The following DMRT1 variants were observed in gnomAD, a reference collection of about 807,000 sequenced individuals.
DMRT1 encodes doublesex and mab-3 related transcription factor 1.
A neutral mutation model predicts 32.3 loss-of-function variants in DMRT1; 7 were observed. The ratio of observed to expected loss-of-function variants is 0.22; its 90% CI spans 0.12 to 0.41. DMRT1 has a LOEUF of 0.41. DMRT1 is among the 10% of genes least tolerant of loss of function. DMRT1 has a pLI of 1.00. For missense variants in DMRT1, 625 were observed against 500.5 expected (o/e 1.25, Z -2.37); for synonymous variants, 278 against 206.1 (o/e 1.35, Z -2.99).
chr9:852,751 C>T (rs1815211965), intron 2 of DMRT1, among the ~76,000 whole-genome samples: 1 of 152,198 alleles, frequency 6.6e-6, no homozygotes, highest in Non-Finnish European at 1.5e-5. Flanking sequence ...ATCAAACCAC[C>T]TCGGGCCCCC....
intron 2 of DMRT1, among the ~76,000 whole-genome samples, chr9:864,073 C>G (rs574853817): frequency 1.3e-5 from 2 of 152,098 alleles, no homozygotes; most frequent in Non-Finnish European, 2.9e-5. Flanking sequence ...CTTTGGAGGA[C>G]AAGCAGAGGA....
intron 4 of DMRT1, among the ~76,000 whole-genome samples, chr9:967,640 A>G (rs1402982326): frequency 6.6e-6 from 1 of 152,222 alleles, no homozygotes; most frequent in Non-Finnish European, 1.5e-5. Context: ...TTTCATCAGC[A>G]TACTTTGCAT....
intron 2 of DMRT1, among the ~76,000 whole-genome samples, chr9:891,258 C>T (rs1235356675): frequency 6.7e-6 from 1 of 149,730 alleles, no homozygotes; most frequent in Non-Finnish European, 1.5e-5. Flanking sequence ...ATCAGCCTGG[C>T]CAACATGGTG....
chr9:912,238 A>G (rs115758731), intron 3 of DMRT1, among the ~76,000 whole-genome samples: 2,441 of 152,324 alleles, frequency 0.016, 69 homozygotes, highest in African/African-American at 0.054. Flanking sequence ...AACCGCCCCC[A>G]TGATCCAATC....
intron 2 of DMRT1, among the ~76,000 whole-genome samples, chr9:874,496 A>G (rs913661764): frequency 1.3e-5 from 2 of 152,210 alleles, no homozygotes; most frequent in Non-Finnish European, 2.9e-5. Context: ...TGTATGAGGC[A>G]CACACAAGCC....
chr9:965,659 G>A lies in DMRT1; in HGVS notation c.968-2326G>A, dbSNP rs2130016464. On this transcript the variant is annotated intron_variant, in intron 4 of 4. Coordinates refer to ENST00000382276, the MANE Select transcript of DMRT1 (RefSeq NM_021951.3). The surrounding 1 kb of genome is among the most constrained non-coding windows in gnomAD (Gnocchi z 4.5). Reference sequence around the variant, plus strand: ...AGGCCCAGGGCTCTGAACATGTTGGGAGAACACATACCTATTCCTTTACAA... The same window carrying A: ...AGGCCCAGGGCTCTGAACATGTTGGAAGAACACATACCTATTCCTTTACAA... Among the ~76,000 whole-genome samples the A allele has an allele frequency of 6.6e-6, 1 of 152,306 alleles. No homozygotes were observed. The highest frequency in any genetic ancestry group is 2.4e-5 in the African/African-American group (1 of 41,562).
At position 968,308 on chromosome 9, in the gene DMRT1, T is replaced by C. The variant is rs768763627; in HGVS notation, c.*169T>C. On this transcript the variant is annotated 3_prime_UTR_variant, in exon 5 of 5. Coordinates refer to ENST00000382276, the MANE Select transcript of DMRT1 (RefSeq NM_021951.3). Reference sequence around the variant, plus strand: ...AGGCTGTAACACATTTGTAATACTTTAGGGTCCGTGACTACCATCTGCATG... The same window carrying C: ...AGGCTGTAACACATTTGTAATACTTCAGGGTCCGTGACTACCATCTGCATG... 6 of 759,540 alleles carry C rather than the reference T, an allele frequency of 7.9e-6. No homozygotes were observed. Among genetic ancestry groups the C allele is most frequent in the Non-Finnish European group, 1.1e-5 (5 of 469,878 alleles). The allele number at this position is 759,540 out of a possible 1,614,324, so 47.1% of individuals were successfully genotyped here.
intron 3 of DMRT1, among the ~76,000 whole-genome samples, chr9:906,784 C>A (rs969522227): frequency 6.6e-6 from 1 of 152,198 alleles, no homozygotes; most frequent in Non-Finnish European, 1.5e-5. Context: ...GGTCTTTATA[C>A]TAAGCAGATA....
chr9:944,557 G>A (rs1819181321), intron 4 of DMRT1, among the ~76,000 whole-genome samples: 1 of 152,168 alleles, frequency 6.6e-6, no homozygotes, highest in South Asian at 2.1e-4. Context: ...AAAGGAGATG[G>A]ATATTTAATT....
At chr9:946,962 T>C (rs929485021) in intron 4 of DMRT1, among the ~76,000 whole-genome samples, 1 of 152,248 alleles carries the variant, frequency 6.6e-6, no homozygotes, top group Non-Finnish European at 1.5e-5. Context: ...GAGCCGATAA[T>C]GTTAGGAAAT....
chr9:888,659 ATG>A (rs1564226084), intron 2 of DMRT1, among the ~76,000 whole-genome samples: 64 of 151,880 alleles, frequency 4.2e-4, no homozygotes, highest in Admixed American at 2.0e-3. Context: ...AGTCAGGGGC[ATG>A]AAGGTATCTC....
chr9:859,583 A>T (rs908488707), intron 2 of DMRT1, among the ~76,000 whole-genome samples: 5 of 152,160 alleles, frequency 3.3e-5, no homozygotes, highest in Non-Finnish European at 2.9e-5. Context: ...AAAAAATCCA[A>T]TTCGGTGTTT....
In DMRT1 at chr9:894,262, CACAT is replaced by C. The variant is rs1817266950; in HGVS notation, c.822+71_822+74del. ...AGCCACATGCATGTGCACACACATG[CACAT>C]ACACACAGAGGCACACACGCACTTG... On this transcript the variant is annotated intron_variant, in intron 3 of 4. Coordinates refer to ENST00000382276, the MANE Select transcript of DMRT1 (RefSeq NM_021951.3). The C allele has an allele frequency of 2.6e-6, 4 of 1,536,358 alleles. No homozygotes were observed. In the Admixed American group the frequency reaches 6.7e-5, roughly 26 times the overall value.
chr9:923,736 C>T (rs1818429736), intron 4 of DMRT1, among the ~76,000 whole-genome samples: 1 of 152,100 alleles, frequency 6.6e-6, no homozygotes, highest in African/African-American at 2.4e-5. Flanking sequence ...ATTTCTCAGC[C>T]AGTAGGATAG....
chr9:938,392 C>T (rs1296765499), intron 4 of DMRT1, among the ~76,000 whole-genome samples: 2 of 152,172 alleles, frequency 1.3e-5, no homozygotes, highest in African/African-American at 4.8e-5. Context: ...AATATTAAGT[C>T]TTCCAGTCCA....
intron 4 of DMRT1, among the ~76,000 whole-genome samples, chr9:935,713 C>T (rs1037556597): frequency 2.6e-5 from 4 of 152,212 alleles, no homozygotes; most frequent in Admixed American, 6.5e-5. Context: ...GCTAAATGGA[C>T]TGTAATAAAT....
At chr9:946,983 G>T (rs1216949647) in intron 4 of DMRT1, among the ~76,000 whole-genome samples, 1 of 152,212 alleles carries the variant, frequency 6.6e-6, no homozygotes, top group African/African-American at 2.4e-5. Context: ...TCGTCATGCA[G>T]AATTAGCTAA....
At chr9:880,435 G>A (rs997576011) in intron 2 of DMRT1, among the ~76,000 whole-genome samples, 6 of 152,084 alleles carry the variant, frequency 3.9e-5, no homozygotes, top group African/African-American at 1.4e-4. Context: ...TAGTATACTT[G>A]GGTAGCTTGG....
chr9:881,845 G>A (rs1039177837), intron 2 of DMRT1, among the ~76,000 whole-genome samples: 4 of 152,182 alleles, frequency 2.6e-5, no homozygotes, highest in African/African-American at 9.7e-5. Context: ...TGGCCTGTTT[G>A]TGGCACAACC....
Sources: allele counts gnomAD v4.1 joint callset (sites outside exome capture counted in the v4.1 genomes callset), GRCh38; gene constraint gnomAD v4.1.1; non-coding constraint Gnocchi (gnomAD v3.1); transcripts MANE v1.5; gene names NCBI Gene and HGNC (gene_info 2026-07-23, HGNC 2026-07-21).